Variants in PPP2R5C observed in about 807,000 individuals in gnomAD.
The protein encoded by PPP2R5C is protein phosphatase 2 regulatory subunit B'gamma, also known as serine/threonine-protein phosphatase 2A 56 kDa regulatory subunit gamma isoform.
Under a neutral mutation model 68.9 loss-of-function variants are expected in PPP2R5C, and 7 were observed. That is an observed-to-expected ratio of 0.10 (90% CI 0.06 to 0.19). The LOEUF (loss-of-function observed/expected upper bound fraction) is 0.19. Among genes scored for constraint, PPP2R5C ranks in the 10% least tolerant of loss-of-function variants. The pLI is 1.00. For synonymous variants in PPP2R5C, 210 were observed against 222.2 expected, an observed-to-expected ratio of 0.95 and a Z score of 0.49; for missense variants, 348 against 641.3, an observed-to-expected ratio of 0.54 and a Z score of 4.94.
intron 1 of PPP2R5C, among the ~76,000 whole-genome samples, chr14:101,826,287 G>T (rs2040395184): frequency 6.6e-6 from 1 of 152,092 alleles, no homozygotes; most frequent in Non-Finnish European, 1.5e-5. Context: ...CTTACATTTG[G>T]TCTTTGTTCC....
rs552852115 is a variant in PPP2R5C, at chr14:101,831,755, C to T, written c.94+21719C>T. ...GTATACAGAGGGCCAACTTTTCATA[C>T]GCACGGGTTCTGCGGGCCGACTGTG... On this transcript the variant is annotated intron_variant, in intron 1 of 13. Transcript: ENST00000334743. The T allele has an allele frequency of 3.1e-5, 22 of 702,414 alleles. 1 individual carries two copies. Among genetic ancestry groups the T allele is most frequent in the Admixed American group, 6.0e-5 (3 of 49,982 alleles). 43.5% of individuals were successfully genotyped at this position (702,414 alleles called of 1,614,324 possible). A position where few individuals can be genotyped will look rare whatever the true frequency, so the allele number is the denominator to read the frequency against.
chr14:101,858,773 C>T (rs1304291752), intron 2 of PPP2R5C, among the ~76,000 whole-genome samples: 1 of 152,084 alleles, frequency 6.6e-6, no homozygotes, highest in African/African-American at 2.4e-5. Flanking sequence ...CACTCTTTAA[C>T]CTAAGAGGGA....
intron 11 of PPP2R5C, among the ~76,000 whole-genome samples, chr14:101,912,101 G>A (rs996286031): frequency 6.6e-6 from 1 of 152,084 alleles, no homozygotes; most frequent in Non-Finnish European, 1.5e-5. Flanking sequence ...AAAATTATGT[G>A]GGTCCCATGA....
At chr14:101,861,820 C>T (rs2042757171) in intron 2 of PPP2R5C, among the ~76,000 whole-genome samples, 1 of 152,150 alleles carries the variant, frequency 6.6e-6, no homozygotes, top group South Asian at 2.1e-4. Context: ...CAGGCATCTT[C>T]TGAAAAAATA....
At chr14:101,796,801 C>T (rs1202737637) in intron 3 of PPP2R5C, 1 of 217,214 alleles carries the variant, frequency 4.6e-6, no homozygotes, top group Non-Finnish European at 9.4e-6. Flanking sequence ...ACACAGAGAC[C>T]ACTTCTTGGA....
chr14:101,925,271 A>G (rs767815594), exon 14 of PPP2R5C: 2 of 1,612,574 alleles, frequency 1.2e-6, no homozygotes, highest in South Asian at 1.1e-5. Flanking sequence ...GACGGCCGCT[A>G]GCCTCCGGGG....
upstream of PPP2R5C, among the ~76,000 whole-genome samples, chr14:101,809,159 C>T (rs150650309): frequency 3.3e-5 from 5 of 152,186 alleles, no homozygotes; most frequent in South Asian, 2.1e-4. Flanking sequence ...CTTACTCCCA[C>T]GGCCAGGTGA....
rs1711918007 is a variant in PPP2R5C, at chr14:101,906,648, G to T, written c.1151+119G>T. On this transcript the variant is annotated intron_variant, in intron 10 of 13. Coordinates refer to ENST00000334743, the Ensembl canonical transcript of PPP2R5C. This position sits in a 1 kb window ranked among gnomAD's most constrained non-coding sequence, Gnocchi z 4.0. ...TATCAATTAAAAAACAAGAAGGTCA[G>T]TTGCTTTGTGGACTCATAAATTAAG... The T allele has an allele frequency of 3.7e-6, 5 of 1,334,296 alleles. No individual in the cohort carries two copies. In the African/African-American group the frequency reaches 4.5e-5, roughly 12 times the overall value. The allele number at this position is 1,334,296 out of a possible 1,614,324, so 82.7% of individuals were successfully genotyped here. A position where few individuals can be genotyped will look rare whatever the true frequency, so the allele number is the denominator to read the frequency against.
At chr14:101,793,292 T>G (rs1358032550) in intron 3 of PPP2R5C, among the ~76,000 whole-genome samples, 5 of 152,258 alleles carry the variant, frequency 3.3e-5, no homozygotes, top group East Asian at 1.9e-4. Context: ...TTTTAAATGC[T>G]TTCAATGGAG....
At chr14:101,847,382 G>A (rs910426677) in intron 1 of PPP2R5C, among the ~76,000 whole-genome samples, 3 of 152,168 alleles carry the variant, frequency 2.0e-5, no homozygotes, top group African/African-American at 7.2e-5. Flanking sequence ...TGACAAGTGA[G>A]TGCCTCTAGA....
rs942870022 is a variant in PPP2R5C at position 101,819,256 on chromosome 14, C to G, written c.94+9220C>G. ...AATCGCTCTCTTGGAACTCTGAAGCCTTTGCATGGAGCAGTGTTCACCCTG... is the reference window on the plus strand; with the variant it reads ...AATCGCTCTCTTGGAACTCTGAAGCGTTTGCATGGAGCAGTGTTCACCCTG... On this transcript the variant is annotated intron_variant, in intron 1 of 13. Transcript: ENST00000334743. The G allele has an allele frequency of 9.8e-6, 6 of 610,452 alleles. No homozygotes were observed. In the African/African-American group the frequency reaches 1.1e-4, roughly 11 times the overall value. The allele number at this position is 610,452 out of a possible 1,614,324, so 37.8% of individuals were successfully genotyped here.
rs376337483 is a variant in PPP2R5C, at chr14:101,901,316, G to T, written c.853-403G>T. Among the ~76,000 whole-genome samples the T allele has an allele frequency of 3.1e-3, 473 of 152,000 alleles. 13 individuals carry two copies. The South Asian group carries it at 0.05, about 16-fold the overall frequency. On this transcript the variant is annotated intron_variant, in intron 8 of 13. Coordinates refer to ENST00000334743, the Ensembl canonical transcript of PPP2R5C. ...AGGAATGGACTCTTACTGAAATGGT[G>T]TTTGATCAGAGAAAGTGGGTTATAT...
chr14:101,900,643 A>G (rs1171270264), intron 8 of PPP2R5C, among the ~76,000 whole-genome samples: 3 of 152,266 alleles, frequency 2.0e-5, no homozygotes, highest in African/African-American at 7.2e-5. Context: ...ATCTGCATGG[A>G]TTCACATTCA....
intron 3 of PPP2R5C, among the ~76,000 whole-genome samples, chr14:101,788,235 A>T (rs954271445): frequency 6.6e-6 from 1 of 152,098 alleles, no homozygotes; most frequent in African/African-American, 2.4e-5. Context: ...CCATTTTTCC[A>T]TGCATGCCCC....
chr14:101,884,546 G>T (rs1383750297), intron 5 of PPP2R5C, among the ~76,000 whole-genome samples: 1 of 152,242 alleles, frequency 6.6e-6, no homozygotes, highest in African/African-American at 2.4e-5. Flanking sequence ...TCGGTTAAAG[G>T]TTTGGAGACT....
At chr14:101,887,518 G>C (rs576277358) in intron 5 of PPP2R5C, among the ~76,000 whole-genome samples, 2 of 152,312 alleles carry the variant, frequency 1.3e-5, no homozygotes, top group South Asian at 4.1e-4. Flanking sequence ...AGACGGTTCT[G>C]CTCCGTGGCG....
At chr14:101,900,508 C>T (rs1428334507) in intron 8 of PPP2R5C, among the ~76,000 whole-genome samples, 11 of 152,218 alleles carry the variant, frequency 7.2e-5, no homozygotes, top group Admixed American at 2.0e-4. Flanking sequence ...GCTGCTCTAA[C>T]GCACCGGATT....
At chr14:101,885,496 C>T (rs1393742314) in intron 5 of PPP2R5C, among the ~76,000 whole-genome samples, 1 of 140,574 alleles carries the variant, frequency 7.1e-6, no homozygotes. Flanking sequence ...TCTCCCATCC[C>T]GTGCCGGCTT....
intron 2 of PPP2R5C, among the ~76,000 whole-genome samples, chr14:101,774,967 T>G (rs1470562850): frequency 6.6e-6 from 1 of 152,218 alleles, no homozygotes; most frequent in Non-Finnish European, 1.5e-5. Flanking sequence ...GACGTGAGTG[T>G]ATGCCAGTAA....
Sources: gnomAD v4.1 joint callset for allele counts (sites outside exome capture counted in the v4.1 genomes callset) on GRCh38, gnomAD v4.1.1 for gene constraint, Gnocchi (gnomAD v3.1) non-coding constraint, MANE v1.5 for transcripts, NCBI Gene and HGNC (gene_info 2026-07-23, HGNC 2026-07-21) for gene names.